Variants in ALKBH1 observed in about 807,000 individuals in gnomAD.
ALKBH1 encodes the protein nucleic acid dioxygenase ALKBH1.
ALKBH1 carries 31 observed loss-of-function variants against 36.6 expected under a neutral mutation model. The ratio of observed to expected loss-of-function variants is 0.85; its 90% CI spans 0.64 to 1.14. The LOEUF (loss-of-function observed/expected upper bound fraction) is 1.14, where lower values mean the gene tolerates loss of function less well. Among genes scored for constraint, ALKBH1 ranks in the 50% most tolerant of loss-of-function variants. The probability of loss-of-function intolerance (pLI) is 0.00; values close to 1 mark genes in which losing one functional copy is unlikely to be tolerated. For missense variants in ALKBH1, 490 were observed against 497.3 expected, an observed-to-expected ratio of 0.99 and a Z score of 0.14; for synonymous variants, 183 against 186.6, an observed-to-expected ratio of 0.98 and a Z score of 0.16.
intron 3 of ALKBH1, chr14:77,683,461 C>A: frequency 1.4e-6 from 1 of 735,098 alleles, no homozygotes; most frequent in Admixed American, 1.8e-5. Context: ...CACAACAATG[C>A]TAACAGCATG....
At chr14:77,704,824 G>C (rs976382736) in intron 1 of ALKBH1, among the ~76,000 whole-genome samples, 12 of 152,170 alleles carry the variant, frequency 7.9e-5, no homozygotes, top group African/African-American at 2.7e-4. Flanking sequence ...TAATGTCTTA[G>C]AGCCTCAGTT....
intron 4 of ALKBH1, among the ~76,000 whole-genome samples, chr14:77,676,265 G>A (rs1595046548): frequency 6.6e-6 from 1 of 151,768 alleles, no homozygotes; most frequent in Non-Finnish European, 1.5e-5. Flanking sequence ...TTACAGACAT[G>A]AGCCACTGTG....
chr14:77,702,828 A>AC (rs1356306604), intron 2 of ALKBH1, among the ~76,000 whole-genome samples: 2 of 152,040 alleles, frequency 1.3e-5, no homozygotes, highest in Non-Finnish European at 2.9e-5. Flanking sequence ...AGCTGAGACT[A>AC]CAGAGGCATG....
rs1422969675 is a variant in ALKBH1 at position 77,707,921 on chromosome 14, G to A, written c.84C>T (p.Arg28=). 1 of 1,613,388 alleles carries A rather than the reference G, an allele frequency of 6.2e-7. No homozygotes were observed. Among genetic ancestry groups the A allele is most frequent in the East Asian group, 2.2e-5 (1 of 44,878 alleles). Residue 28 remains arginine, a synonymous_variant, in exon 1 of 6, where the codon CGC becomes CGT. Coordinates refer to ENST00000216489, the MANE Select transcript of ALKBH1 (RefSeq NM_006020.3). The part of the protein sequence containing the change: ...PGEDAFRKLF[R]FYRQSRPGTA... Reference sequence around the variant, plus strand: ...TCCCGGGCCGGCTCTGACGGTAGAAGCGGAAAAGTTTCCGAAAGGCGTCCT... The same window carrying A: ...TCCCGGGCCGGCTCTGACGGTAGAAACGGAAAAGTTTCCGAAAGGCGTCCT...
At chr14:77,675,446 TAATAAAA>T (rs2080199905) in intron 5 of ALKBH1, among the ~76,000 whole-genome samples, 1 of 150,408 alleles carries the variant, frequency 6.6e-6, no homozygotes, top group Non-Finnish European at 1.5e-5. Context: ...AAAAAAACAA[TAATAAAA>T]AATAAAAATA....
At position 77,694,270 on chromosome 14, in the gene ALKBH1, G is replaced by T. The variant is rs564206089; in HGVS notation, c.455+468C>A. On this transcript the variant is annotated intron_variant, in intron 3 of 5. Transcript: ENST00000216489. ...TTAAGTATTTGTGGAATGAATGAATGAATGTTGAAGCATGAAGGTGAAAAT... is the reference window on the plus strand; with the variant it reads ...TTAAGTATTTGTGGAATGAATGAATTAATGTTGAAGCATGAAGGTGAAAAT... 2.6e-3 allele frequency among the ~76,000 whole-genome samples: 392 copies of T among 152,300 alleles called. 1 individual carries two copies. Among genetic ancestry groups the T allele is most frequent in the Non-Finnish European group, 4.5e-3 (307 of 68,028 alleles).
Position 77,679,975 on chromosome 14 carries a change from A to G in ALKBH1, c.456-5T>C. 2 of 1,611,126 alleles carry G rather than the reference A, an allele frequency of 1.2e-6. No individual in the cohort carries two copies. Among genetic ancestry groups the G allele is most frequent in the South Asian group, 1.1e-5 (1 of 91,012 alleles). ...CGTTTAGTCGCTTCTTTATACCTGC[A>G]AAGATTGGTGACAAAAGAGGAATTA... is the stretch of plus-strand genomic sequence containing the variant. On this transcript the variant is annotated splice_region_variant and splice_polypyrimidine_tract_variant and intron_variant, in intron 3 of 5. Coordinates refer to ENST00000216489, the MANE Select transcript of ALKBH1 (RefSeq NM_006020.3).
chr14:77,680,700 A>G, intron 3 of ALKBH1, among the ~76,000 whole-genome samples: 1 of 80,316 alleles, frequency 1.2e-5, no homozygotes, highest in African/African-American at 6.0e-5. Flanking sequence ...TTTTTTTGAG[A>G]CAGAGTTTCG....
chr14:77,704,598 A>G, intron 1 of ALKBH1, 121 bp from the exon 2 acceptor site: 2 of 750,254 alleles, frequency 2.7e-6, no homozygotes, highest in Non-Finnish European at 4.6e-6. Flanking sequence ...TTTAAGATAC[A>G]GAACCTTGCT....
chr14:77,681,086 T>C (rs2267758), intron 3 of ALKBH1, among the ~76,000 whole-genome samples: 24,447 of 152,168 alleles, frequency 0.16, 2,047 homozygotes, highest in East Asian at 0.26. Flanking sequence ...ATTTACATCA[T>C]TGATCAATCA....
chr14:77,687,861 C>A (rs985072257), intron 3 of ALKBH1, among the ~76,000 whole-genome samples: 1 of 146,384 alleles, frequency 6.8e-6, no homozygotes, highest in Non-Finnish European at 1.5e-5. Context: ...AGAAAGAAAA[C>A]CACATCTATT....
At chr14:77,706,763 G>A (rs1243559967) in intron 1 of ALKBH1, among the ~76,000 whole-genome samples, 1 of 152,162 alleles carries the variant, frequency 6.6e-6, no homozygotes, top group African/African-American at 2.4e-5. Context: ...TTGGGGTGTG[G>A]ACTTTCTGTA....
chr14:77,699,078 C>T (rs1055969049), intron 2 of ALKBH1, among the ~76,000 whole-genome samples: 13 of 152,278 alleles, frequency 8.5e-5, no homozygotes, highest in African/African-American at 2.4e-4. Flanking sequence ...TGCCCTTATT[C>T]GGTCTCTTTA....
intron 3 of ALKBH1, among the ~76,000 whole-genome samples, chr14:77,693,224 A>AATT (rs369220185): frequency 0.16 from 20,378 of 126,036 alleles, 1,807 homozygotes; most frequent in East Asian, 0.24. Context: ...AAAAAAAAAA[A>AATT]TTTTTTTTCA....
At position 77,685,705 on chromosome 14, in the gene ALKBH1, T is replaced by C. The variant is rs77289426; in HGVS notation, c.456-5735A>G. On this transcript the variant is annotated intron_variant, in intron 3 of 5. Transcript: ENST00000216489. ...GAGGCAGGAGCCTGGGAGGAGAAGG[T>C]TGCAGTAGACCAAGATTGTGCCACT... is the stretch of plus-strand genomic sequence containing the variant. Among the ~76,000 whole-genome samples the C allele has an allele frequency of 6.3e-3, 947 of 151,440 alleles. 29 individuals carry two copies. The East Asian group carries it at 0.1, about 17-fold the overall frequency.
intron 1 of ALKBH1, among the ~76,000 whole-genome samples, chr14:77,707,590 C>T (rs1056368022): frequency 1.3e-5 from 2 of 152,174 alleles, no homozygotes; most frequent in Non-Finnish European, 2.9e-5. Flanking sequence ...GATTCCCAGG[C>T]TCTTTTGACT....
At chr14:77,701,047 A>G (rs1207019620) in intron 2 of ALKBH1, among the ~76,000 whole-genome samples, 4 of 152,164 alleles carry the variant, frequency 2.6e-5, no homozygotes, top group African/African-American at 4.8e-5. Context: ...GTGAAGCGTG[A>G]TTGTGCTACT....
chr14:77,676,615 A>C (rs2139843078), intron 4 of ALKBH1, among the ~76,000 whole-genome samples: 1 of 152,352 alleles, frequency 6.6e-6, no homozygotes. Flanking sequence ...ATGAAGTACA[A>C]ATGCTATTAC....
rs967814704 is a variant in ALKBH1, at chr14:77,673,440, T to A, written c.*372A>T. 2 of 190,698 alleles carry A rather than the reference T, an allele frequency of 1.0e-5. No homozygotes were observed. The highest frequency in any genetic ancestry group is 2.2e-5 in the Non-Finnish European group (2 of 91,128). 11.8% of individuals were successfully genotyped at this position (190,698 alleles called of 1,614,324 possible). A position where few individuals can be genotyped will look rare whatever the true frequency, so the allele number is the denominator to read the frequency against. On this transcript the variant is annotated 3_prime_UTR_variant, in exon 6 of 6. Transcript: ENST00000216489. ...TTACCAGATGGAGTGGAGGGAGGGG[T>A]ACTGTATTTCTCATTAATAAAATCT... is the stretch of plus-strand genomic sequence containing the variant.
Sources: gnomAD v4.1 joint callset for allele counts (sites outside exome capture counted in the v4.1 genomes callset) on GRCh38, gnomAD v4.1.1 for gene constraint, MANE v1.5 for transcripts, NCBI Gene and HGNC (gene_info 2026-07-23, HGNC 2026-07-21) for gene names.